CNTNAP2: variants seen among roughly 807,000 people sequenced by gnomAD.
The protein encoded by CNTNAP2 is contactin associated protein 2, also known as contactin-associated protein-like 2.
CNTNAP2 carries 98 observed loss-of-function variants against 155.2 expected under a neutral mutation model. That is an observed-to-expected ratio of 0.63 (90% CI 0.54 to 0.75). CNTNAP2 has a LOEUF of 0.75. Ranked by LOEUF, CNTNAP2 falls within the 30% of genes least tolerant of loss-of-function variation. CNTNAP2 has a pLI of 0.00. For synonymous variants in CNTNAP2, 651 were observed against 631.2 expected (o/e 1.03, Z -0.47); for missense variants, 1,727 against 1,688.1 (o/e 1.02, Z -0.40).
At chr7:148,335,680 A>C (rs1190463952) in intron 21 of CNTNAP2, among the ~76,000 whole-genome samples, 2 of 152,194 alleles carry the variant, frequency 1.3e-5, no homozygotes, top group Non-Finnish European at 2.9e-5. Context: ...CATCCCCTAA[A>C]AGAAATGCGG....
At chr7:147,667,791 GCTGC>G (rs1795720167) in intron 13 of CNTNAP2, among the ~76,000 whole-genome samples, 1 of 145,918 alleles carries the variant, frequency 6.9e-6, no homozygotes, top group Non-Finnish European at 1.5e-5. Context: ...CCAGGCTGCT[GCTGC>G]AAAAAAAAAA....
chr7:147,348,254 A>G (rs1795910143), intron 9 of CNTNAP2, among the ~76,000 whole-genome samples: 2 of 152,166 alleles, frequency 1.3e-5, no homozygotes, highest in South Asian at 4.1e-4. Context: ...TTTTCCATCT[A>G]CTCATTAGAA....
chr7:147,267,468 T>C (rs1804638439), intron 8 of CNTNAP2, among the ~76,000 whole-genome samples: 1 of 152,196 alleles, frequency 6.6e-6, no homozygotes, highest in Non-Finnish European at 1.5e-5. Flanking sequence ...TTTCATGTTT[T>C]TGGTACGCAT....
At chr7:147,980,824 G>A (rs747392097) in intron 15 of CNTNAP2, among the ~76,000 whole-genome samples, 72 of 150,902 alleles carry the variant, frequency 4.8e-4, no homozygotes, top group Non-Finnish European at 3.0e-4. Flanking sequence ...CCAGCTACTC[G>A]GGAGGCTGAG....
At chr7:146,876,538 C>A (rs892000067) in intron 3 of CNTNAP2, among the ~76,000 whole-genome samples, 1 of 152,120 alleles carries the variant, frequency 6.6e-6, no homozygotes, top group Non-Finnish European at 1.5e-5. Context: ...AATATTGTAA[C>A]TTTCGTTTGC....
At chr7:146,391,015 C>T (rs945381582) in intron 1 of CNTNAP2, among the ~76,000 whole-genome samples, 1 of 132,364 alleles carries the variant, frequency 7.6e-6, no homozygotes, top group Admixed American at 8.4e-5. Context: ...TACAGTGAGC[C>T]GAGATCGCGC....
Position 146,569,102 on chromosome 7 carries a change from T to C in CNTNAP2, c.98-205169T>C, listed in dbSNP as rs112808616. ...CGCAATCTTGGCTCACCGCAAGGGCTGCCTCCCGGGTTCACGCCATTCTCC... is the reference window on the plus strand; with the variant it reads ...CGCAATCTTGGCTCACCGCAAGGGCCGCCTCCCGGGTTCACGCCATTCTCC... On this transcript the variant is annotated intron_variant, in intron 1 of 23. Coordinates refer to ENST00000361727, the MANE Select transcript of CNTNAP2 (RefSeq NM_014141.6). Among the ~76,000 whole-genome samples, 98 of 152,248 alleles carry C rather than the reference T, an allele frequency of 6.4e-4. No individual in the cohort carries two copies. The South Asian group carries it at 0.019, about 30-fold the overall frequency.
chr7:147,605,916 T>C (rs1258380609), intron 12 of CNTNAP2, among the ~76,000 whole-genome samples: 6 of 147,356 alleles, frequency 4.1e-5, no homozygotes, highest in Non-Finnish European at 8.8e-5. Context: ...TCTCTCTCTC[T>C]GTGTGTGTGT....
At chr7:147,634,271 T>C (rs1159531393) in intron 12 of CNTNAP2, among the ~76,000 whole-genome samples, 2 of 152,150 alleles carry the variant, frequency 1.3e-5, no homozygotes, top group Non-Finnish European at 2.9e-5. Context: ...ATACTACTCG[T>C]CATAAAAAGA....
intron 3 of CNTNAP2, among the ~76,000 whole-genome samples, chr7:146,864,824 AAAC>A (rs2129205957): frequency 1.5e-5 from 1 of 66,704 alleles, no homozygotes; most frequent in African/African-American, 1.1e-4. Flanking sequence ...AAACAAAGCA[AAAC>A]AAAACAAAAC....
At chr7:146,579,225 T>A in intron 1 of CNTNAP2, among the ~76,000 whole-genome samples, 1 of 152,130 alleles carries the variant, frequency 6.6e-6, no homozygotes, top group East Asian at 1.9e-4. Flanking sequence ...TGTTGTTAAA[T>A]ATTTTCTAAA....
intron 9 of CNTNAP2, among the ~76,000 whole-genome samples, chr7:147,347,782 A>G (rs909383865): frequency 6.6e-6 from 1 of 152,046 alleles, no homozygotes; most frequent in African/African-American, 2.4e-5. Context: ...CTCAAAATAT[A>G]CCACAAAGCT....
At chr7:146,122,621 G>A (rs529589236) in intron 1 of CNTNAP2, among the ~76,000 whole-genome samples, 5 of 151,288 alleles carry the variant, frequency 3.3e-5, no homozygotes, top group Admixed American at 1.3e-4. Flanking sequence ...TGAAGATTTG[G>A]TGTTACTCTG....
chr7:146,224,648 A>T (rs1033684072), intron 1 of CNTNAP2, among the ~76,000 whole-genome samples: 6 of 151,648 alleles, frequency 4.0e-5, no homozygotes, highest in African/African-American at 1.2e-4. Context: ...GGGCGCCTGT[A>T]GTCCCAGCTA....
At position 147,658,228 on chromosome 7, in the gene CNTNAP2, G is replaced by A. The variant is rs1053140042; in HGVS notation, c.2098+18922G>A. ...GCCGAGATCCCGCCACTGCACTCCA[G>A]CCTGGGAGACAGAGCGAGACTCCGT... On this transcript the variant is annotated intron_variant, in intron 13 of 23. Transcript: ENST00000361727. Among the ~76,000 whole-genome samples the A allele has an allele frequency of 1.9e-5, 2 of 107,212 alleles. 1 individual carries two copies. Among genetic ancestry groups the A allele is most frequent in the Non-Finnish European group, 4.0e-5 (2 of 49,874 alleles). 70.3% of individuals were successfully genotyped at this position (107,212 alleles called of 152,430 possible). A position where few individuals can be genotyped will look rare whatever the true frequency, so the allele number is the denominator to read the frequency against.
At chr7:146,707,676 G>A (rs947971945) in intron 1 of CNTNAP2, among the ~76,000 whole-genome samples, 1 of 152,104 alleles carries the variant, frequency 6.6e-6, no homozygotes, top group African/African-American at 2.4e-5. Flanking sequence ...AAATGGTCAA[G>A]CTTTCCTCTG....
At chr7:146,391,532 T>C (rs1242375859) in intron 1 of CNTNAP2, among the ~76,000 whole-genome samples, 1 of 152,188 alleles carries the variant, frequency 6.6e-6, no homozygotes, top group African/African-American at 2.4e-5. Context: ...AAGTCAAATA[T>C]ATTTTTAAGG....
intron 8 of CNTNAP2, among the ~76,000 whole-genome samples, chr7:147,149,961 A>G (rs1172540434): frequency 6.6e-6 from 1 of 152,244 alleles, no homozygotes; most frequent in Non-Finnish European, 1.5e-5. Flanking sequence ...GTAGGAATCA[A>G]GACTGAATTG....
At chr7:147,578,134 G>A (rs971770656) in intron 12 of CNTNAP2, among the ~76,000 whole-genome samples, 1 of 151,944 alleles carries the variant, frequency 6.6e-6, no homozygotes, top group African/African-American at 2.4e-5. Context: ...TCATTACATT[G>A]CCTATCTGCA....
Sources: gnomAD v4.1 joint callset for allele counts (sites outside exome capture counted in the v4.1 genomes callset) on GRCh38, gnomAD v4.1.1 for gene constraint, MANE v1.5 for transcripts, NCBI Gene and HGNC (gene_info 2026-07-23, HGNC 2026-07-21) for gene names.